PCDHA13: variants seen among roughly 807,000 people sequenced by gnomAD.
The protein encoded by PCDHA13 is protocadherin alpha 13, also known as protocadherin alpha-13.
A neutral mutation model predicts 64.8 loss-of-function variants in PCDHA13; 54 were observed. The observed-to-expected ratio is 0.83, with a 90% CI of 0.67 to 1.04. The LOEUF (loss-of-function observed/expected upper bound fraction) is 1.04. PCDHA13 is among the 50% of genes least tolerant of loss of function. PCDHA13 has a pLI of 0.00. For synonymous variants in PCDHA13, 587 were observed against 564.4 expected (o/e 1.04, Z -0.57); for missense variants, 1,248 against 1,254.3 (o/e 0.99, Z 0.08).
At position 140,883,930 on chromosome 5, in the gene PCDHA13, C is replaced by A; in HGVS notation, c.1662C>A (p.Phe554Leu). Reference sequence around the variant, plus strand: ...GCAGCAACGTGACGCTGCAGGTGTTCGTGCTGGACGAGAACGACAACGCTC... The same window carrying A: ...GCAGCAACGTGACGCTGCAGGTGTTAGTGCTGGACGAGAACGACAACGCTC... ...PLGSNVTLQVFVLDENDNAPA... is the reference protein window; with the variant it reads ...PLGSNVTLQVLVLDENDNAPA... The change falls in exon 1 of 4, where the codon TTC becomes TTA. Residue 554 changes from phenylalanine to leucine, a missense_variant. By Grantham distance (22) the Phe-to-Leu change is conservative. Coordinates refer to ENST00000289272, the MANE Select transcript of PCDHA13 (RefSeq NM_018904.3). The A allele has an allele frequency of 2.5e-6, 4 of 1,613,066 alleles. No homozygotes were observed. Among genetic ancestry groups the A allele is most frequent in the Non-Finnish European group, 3.4e-6 (4 of 1,179,762 alleles).
intron 1 of PCDHA13, chr5:140,927,826 G>T (rs782694866): frequency 2.5e-6 from 4 of 1,614,076 alleles, no homozygotes; most frequent in Middle Eastern, 3.3e-4. Flanking sequence ...ATACATTGAG[G>T]CGAGGGACGA....
At chr5:140,909,632 A>G (rs781948813) in intron 1 of PCDHA13, among the ~76,000 whole-genome samples, 3 of 152,038 alleles carry the variant, frequency 2.0e-5, no homozygotes, top group South Asian at 2.1e-4. Flanking sequence ...TGGTCTTCCT[A>G]TTTTGTCTTT....
At chr5:140,999,138 C>T (rs530740266) in intron 3 of PCDHA13, among the ~76,000 whole-genome samples, 1 of 152,140 alleles carries the variant, frequency 6.6e-6, no homozygotes, top group Non-Finnish European at 1.5e-5. Flanking sequence ...AATGTCACAG[C>T]CGGAAGTCTT....
chr5:140,975,707 A>G (rs1445809800), intron 1 of PCDHA13, among the ~76,000 whole-genome samples: 1 of 152,204 alleles, frequency 6.6e-6, no homozygotes, highest in East Asian at 1.9e-4. Context: ...ATTTTACTTT[A>G]AATCTTAGAA....
intron 1 of PCDHA13, among the ~76,000 whole-genome samples, chr5:140,892,084 C>G (rs1233800772): frequency 6.6e-6 from 1 of 151,992 alleles, no homozygotes; most frequent in African/African-American, 2.4e-5. Flanking sequence ...TTCTAGTTTC[C>G]TCTCGAAACT....
intron 3 of PCDHA13, among the ~76,000 whole-genome samples, chr5:140,994,309 C>T (rs924119174): frequency 1.3e-5 from 2 of 152,072 alleles, no homozygotes; most frequent in African/African-American, 4.8e-5. Context: ...TTCACAGGGC[C>T]CAAACACTCT....
intron 1 of PCDHA13, among the ~76,000 whole-genome samples, chr5:140,947,307 T>C (rs1329729103): frequency 6.6e-6 from 1 of 151,660 alleles, no homozygotes; most frequent in African/African-American, 2.4e-5. Context: ...GACATCTTTG[T>C]AAAAAGTCGG....
intron 3 of PCDHA13, chr5:140,988,853 A>G (rs1216953693): frequency 1.3e-5 from 2 of 152,208 alleles, no homozygotes; most frequent in Non-Finnish European, 2.9e-5. Flanking sequence ...AAACCTATCC[A>G]GTCTCATGTG....
intron 1 of PCDHA13, chr5:140,927,446 TG>T: frequency 2.1e-5 from 34 of 1,614,128 alleles, no homozygotes; most frequent in Non-Finnish European, 2.5e-5. Flanking sequence ...TACCCGGAGT[TG>T]GTGTTGGAGA....
In PCDHA13 at chr5:140,967,342, C is replaced by G. The variant is rs149890293; in HGVS notation, c.2395-11607C>G. On this transcript the variant is annotated intron_variant, in intron 1 of 3. Coordinates refer to ENST00000289272, the MANE Select transcript of PCDHA13 (RefSeq NM_018904.3). ...CCTACGAGCTCAGCCCCAGCGAGCACTTCGAGCTGGACCTTAAGCCCCTGC... is the reference window on the plus strand; with the variant it reads ...CCTACGAGCTCAGCCCCAGCGAGCAGTTCGAGCTGGACCTTAAGCCCCTGC... The G allele has an allele frequency of 1.9e-6, 3 of 1,607,992 alleles. No individual in the cohort carries two copies. In the African/African-American group the frequency reaches 4.0e-5, roughly 22 times the overall value.
intron 1 of PCDHA13, among the ~76,000 whole-genome samples, chr5:140,886,264 A>T (rs1471846282): frequency 3.3e-5 from 5 of 151,982 alleles, no homozygotes; most frequent in Admixed American, 3.3e-4. Flanking sequence ...CTATTTATAG[A>T]TAAAATTTTT....
At chr5:140,953,900 C>G (rs1040959969) in intron 1 of PCDHA13, among the ~76,000 whole-genome samples, 4 of 152,126 alleles carry the variant, frequency 2.6e-5, no homozygotes, top group Non-Finnish European at 5.9e-5. Context: ...GTATTAAGCC[C>G]AGCATCCATT....
At chr5:140,995,000 T>A (rs149795080) in intron 3 of PCDHA13, among the ~76,000 whole-genome samples, 1 of 152,328 alleles carries the variant, frequency 6.6e-6, no homozygotes, top group African/African-American at 2.4e-5. Flanking sequence ...GTTAGTTGGT[T>A]TGTTTATATT....
intron 1 of PCDHA13, among the ~76,000 whole-genome samples, chr5:140,917,163 G>A (rs948639951): frequency 6.6e-6 from 1 of 152,182 alleles, no homozygotes; most frequent in Admixed American, 6.5e-5. Flanking sequence ...ATATGGGAGG[G>A]GTGATGGTGG....
chr5:141,008,679 T>C (rs950831628), intron 3 of PCDHA13, among the ~76,000 whole-genome samples: 4 of 152,238 alleles, frequency 2.6e-5, no homozygotes, highest in South Asian at 4.1e-4. Context: ...TATACTTTAG[T>C]TATTGCATGT....
intron 1 of PCDHA13, among the ~76,000 whole-genome samples, chr5:140,960,334 T>C (rs902345282): frequency 6.6e-6 from 1 of 152,182 alleles, no homozygotes; most frequent in African/African-American, 2.4e-5. Context: ...GAGAAGTACA[T>C]GAGGTGAGAT....
rs1554244374 is a variant in PCDHA13 at position 140,982,509 on chromosome 5, GC to G, written c.2489del (p.Ala830ValfsTer85). ...VHLEEAGILR[A>X]GPGGPDQQWP... is the part of the protein sequence containing the mutation. ...CCTAGAGGAGGCTGGCATTCTACGGGCTGGTCCAGGAGGGCCTGATCAGCAG... is the reference window on the plus strand; with the variant it reads ...CCTAGAGGAGGCTGGCATTCTACGGGTGGTCCAGGAGGGCCTGATCAGCAG... On this transcript the variant is annotated frameshift_variant, in exon 3 of 4. Transcript: ENST00000289272. LOFTEE classifies it high-confidence loss of function. 6.2e-7 allele frequency: 1 copy of G among 1,614,206 alleles called. No homozygotes were observed. Among genetic ancestry groups the G allele is most frequent in the Non-Finnish European group, 8.5e-7 (1 of 1,180,032 alleles).
At chr5:140,886,871 T>C (rs1045804511) in intron 1 of PCDHA13, among the ~76,000 whole-genome samples, 1 of 151,744 alleles carries the variant, frequency 6.6e-6, no homozygotes, top group Non-Finnish European at 1.5e-5. Flanking sequence ...AACTCCTATA[T>C]TGAACATTCA....
intron 1 of PCDHA13, among the ~76,000 whole-genome samples, chr5:140,914,730 C>T (rs2076816445): frequency 6.6e-6 from 1 of 151,438 alleles, no homozygotes; most frequent in Non-Finnish European, 1.5e-5. Context: ...TTTTGTGTAT[C>T]CATTGTATGT....
Sources: allele counts gnomAD v4.1 joint callset (sites outside exome capture counted in the v4.1 genomes callset), GRCh38; gene constraint gnomAD v4.1.1; transcripts MANE v1.5; gene names NCBI Gene and HGNC (gene_info 2026-07-23, HGNC 2026-07-21).